The following PHACTR1 variants were observed in gnomAD, a reference collection of about 807,000 sequenced individuals.
PHACTR1 encodes the protein RPEL repeat containing 1.
A neutral mutation model predicts 69.2 loss-of-function variants in PHACTR1; 16 were observed. The observed-to-expected ratio is 0.23, with a 90% CI of 0.16 to 0.35. PHACTR1 has a LOEUF of 0.35. Among genes scored for constraint, PHACTR1 ranks in the 10% least tolerant of loss-of-function variants. The probability of loss-of-function intolerance (pLI) is 1.00; values close to 1 mark genes in which losing one functional copy is unlikely to be tolerated. For missense variants in PHACTR1, 510 were observed against 734.7 expected, an observed-to-expected ratio of 0.69 and a Z score of 3.54; for synonymous variants, 312 against 284.5, an observed-to-expected ratio of 1.10 and a Z score of -0.97.
At chr6:12,949,604 G>A (rs181573241) in intron 4 of PHACTR1, among the ~76,000 whole-genome samples, 1 of 152,266 alleles carries the variant, frequency 6.6e-6, no homozygotes, top group East Asian at 1.9e-4. Context: ...AACCAGGAAG[G>A]GGGTCTGAAT....
intron 5 of PHACTR1, among the ~76,000 whole-genome samples, chr6:13,138,732 G>A (rs1289772550): frequency 6.6e-6 from 1 of 152,174 alleles, no homozygotes; most frequent in Non-Finnish European, 1.5e-5. Flanking sequence ...GAGGCACCTT[G>A]GCCCAGCCAC....
chr6:12,976,834 T>G (rs1226405444), intron 4 of PHACTR1, among the ~76,000 whole-genome samples: 1 of 152,186 alleles, frequency 6.6e-6, no homozygotes, highest in African/African-American at 2.4e-5. Flanking sequence ...GTAACTGATT[T>G]TACTTAATTG....
At chr6:12,899,801 C>T (rs1247751022) in intron 4 of PHACTR1, among the ~76,000 whole-genome samples, 1 of 152,200 alleles carries the variant, frequency 6.6e-6, no homozygotes, top group Non-Finnish European at 1.5e-5. Context: ...CAAGAAACTG[C>T]TTTTTTCCAG....
At chr6:12,799,005 G>T (rs534860902) in intron 4 of PHACTR1, among the ~76,000 whole-genome samples, 36 of 152,190 alleles carry the variant, frequency 2.4e-4, no homozygotes, top group African/African-American at 7.9e-4. Context: ...TCTTTCCTTT[G>T]TGAAGATCTC....
intron 10 of PHACTR1, chr6:13,272,309 C>G (rs777325090): frequency 3.9e-5 from 6 of 153,680 alleles, no homozygotes; most frequent in Non-Finnish European, 8.7e-5. Context: ...ATTTCTGTGC[C>G]TTTGCCACTC....
At chr6:12,952,146 T>C (rs1791377065) in intron 4 of PHACTR1, among the ~76,000 whole-genome samples, 1 of 152,202 alleles carries the variant, frequency 6.6e-6, no homozygotes, top group South Asian at 2.1e-4. Flanking sequence ...AGATTTCTCA[T>C]ATACCTCCTA....
At chr6:13,160,154 A>T in intron 5 of PHACTR1, 50 bp from the exon 6 acceptor site, 1 of 1,521,324 alleles carries the variant, frequency 6.6e-7, no homozygotes, top group Non-Finnish European at 9.1e-7. Flanking sequence ...TTTAGAAGAC[A>T]ACTTTGTTAC....
At chr6:12,809,220 T>C (rs1227247857) in intron 4 of PHACTR1, among the ~76,000 whole-genome samples, 1 of 152,190 alleles carries the variant, frequency 6.6e-6, no homozygotes. Flanking sequence ...TATCTGTGTT[T>C]TCTAACTTTC....
chr6:13,063,197 G>A (rs1037392374), intron 5 of PHACTR1, among the ~76,000 whole-genome samples: 5 of 152,096 alleles, frequency 3.3e-5, no homozygotes, highest in African/African-American at 7.2e-5. Context: ...CAGTGAGGAC[G>A]GACATGGCCC....
chr6:13,191,577 G>A (rs1376123497), intron 7 of PHACTR1, among the ~76,000 whole-genome samples: 1 of 152,178 alleles, frequency 6.6e-6, no homozygotes, highest in Admixed American at 6.5e-5. Flanking sequence ...TAGTTGCCTG[G>A]TACCTGGCCA....
At chr6:13,092,041 G>A (rs990102248) in intron 5 of PHACTR1, among the ~76,000 whole-genome samples, 7 of 152,044 alleles carry the variant, frequency 4.6e-5, no homozygotes, top group African/African-American at 1.2e-4. Flanking sequence ...CTCATGATCC[G>A]CCCATCTCAG....
At chr6:13,264,953 T>C (rs1026731521) in intron 10 of PHACTR1, 1 of 150,578 alleles carries the variant, frequency 6.6e-6, no homozygotes, top group Non-Finnish European at 1.5e-5. Context: ...GTCCGAGAGG[T>C]TGAGGCTGCA....
rs554183443 is a variant in PHACTR1, at chr6:13,206,008, G to C, written c.858G>C (p.Gln286His). The C allele has an allele frequency of 6.2e-7, 1 of 1,613,996 alleles. No individual in the cohort carries two copies. The highest frequency in any genetic ancestry group is 1.3e-5 in the African/African-American group (1 of 75,050). ...TCCTGCCCTCCCAGATCCAGCACCA[G>C]CTGCAGTACGGCAGCCACGGCCAGC... ...HTVLPSQIQH[Q>H]LQYGSHGQHL... Residue 286 changes from glutamine to histidine, a missense_variant, in exon 8 of 15, where the codon CAG (glutamine) becomes CAC (histidine). Coordinates refer to ENST00000332995, the MANE Select transcript of PHACTR1 (RefSeq NM_030948.6).
At chr6:13,041,787 T>A (rs1317825555) in intron 4 of PHACTR1, among the ~76,000 whole-genome samples, 1 of 152,122 alleles carries the variant, frequency 6.6e-6, no homozygotes, top group Admixed American at 6.5e-5. Flanking sequence ...CACTGCCTGG[T>A]CTTGAGCATC....
intron 7 of PHACTR1, among the ~76,000 whole-genome samples, chr6:13,184,531 T>C (rs879736115): frequency 8.5e-5 from 13 of 152,212 alleles, no homozygotes; most frequent in Non-Finnish European, 1.9e-4. Context: ...GTCAAGTGTT[T>C]GATGGTTTTG....
chr6:13,143,779 T>A (rs1435633535), intron 5 of PHACTR1, among the ~76,000 whole-genome samples: 1 of 152,004 alleles, frequency 6.6e-6, no homozygotes, highest in Non-Finnish European at 1.5e-5. Flanking sequence ...CAGGCCAATA[T>A]CTCTCATTAT....
intron 6 of PHACTR1, among the ~76,000 whole-genome samples, chr6:13,160,632 C>T (rs1758855428): frequency 6.6e-6 from 1 of 152,196 alleles, no homozygotes; most frequent in Non-Finnish European, 1.5e-5. Flanking sequence ...GCCCTTTCAG[C>T]AACTAAGTAT....
At chr6:12,911,962 T>C (rs1195789281) in intron 4 of PHACTR1, among the ~76,000 whole-genome samples, 1 of 152,158 alleles carries the variant, frequency 6.6e-6, no homozygotes, top group African/African-American at 2.4e-5. Flanking sequence ...GTGATGAGTG[T>C]TGTACCTCAA....
At chr6:12,930,226 G>A (rs534516793) in intron 4 of PHACTR1, among the ~76,000 whole-genome samples, 137 of 152,150 alleles carry the variant, frequency 9.0e-4, no homozygotes, top group Middle Eastern at 3.4e-3. Flanking sequence ...GGGAATTATT[G>A]TGGAGACGGG....
Sources: gnomAD v4.1 joint callset for allele counts (sites outside exome capture counted in the v4.1 genomes callset) on GRCh38, gnomAD v4.1.1 for gene constraint, MANE v1.5 for transcripts, NCBI Gene and HGNC (gene_info 2026-07-23, HGNC 2026-07-21) for gene names.